Variants in PPP2R5E observed in about 807,000 individuals in gnomAD.
PPP2R5E encodes protein phosphatase 2 regulatory subunit B'epsilon.
PPP2R5E carries 4 observed loss-of-function variants against 65.3 expected under a neutral mutation model. The observed-to-expected ratio is 0.06, with a 90% CI of 0.03 to 0.14. The LOEUF is 0.14. PPP2R5E is among the 10% of genes least tolerant of loss of function. The probability of loss-of-function intolerance (pLI) is 1.00; values close to 1 mark genes in which losing one functional copy is unlikely to be tolerated. For synonymous variants in PPP2R5E, 183 were observed against 187.4 expected (o/e 0.98, Z 0.19); for missense variants, 274 against 556.1 (o/e 0.49, Z 5.10).
intron 2 of PPP2R5E, among the ~76,000 whole-genome samples, chr14:63,508,654 TG>T (rs965232549): frequency 1.1e-4 from 16 of 152,220 alleles, no homozygotes; most frequent in Non-Finnish European, 1.9e-4. Context: ...AGTCCTAGCT[TG>T]TCTTCCCCAA....
chr14:63,378,177 C>T (rs1267549661), intron 13 of PPP2R5E, among the ~76,000 whole-genome samples: 1 of 152,202 alleles, frequency 6.6e-6, no homozygotes, highest in Non-Finnish European at 1.5e-5. Flanking sequence ...ATAGATCCTG[C>T]TGACTTTCGA....
At chr14:63,541,815 T>G (rs146779204) in intron 1 of PPP2R5E, among the ~76,000 whole-genome samples, 1 of 152,220 alleles carries the variant, frequency 6.6e-6, no homozygotes, top group East Asian at 1.9e-4. Context: ...TCTTCTTTGG[T>G]TTTCTTTAAA....
Position 63,384,554 on chromosome 14 carries a change from G to T in PPP2R5E, c.1092C>A (p.Leu364=), listed in dbSNP as rs367736186. 3.7e-6 allele frequency: 6 copies of T among 1,612,354 alleles called. No individual in the cohort carries two copies. The South Asian group carries it at 6.6e-5, about 18-fold the overall frequency. Residue 364 remains leucine, a synonymous_variant, in exon 12 of 14, where the codon CTC becomes CTA. Coordinates refer to ENST00000337537, the MANE Select transcript of PPP2R5E (RefSeq NM_006246.5). Reference sequence around the variant, plus strand: ...TGATGTATTCATTATTCCAATAATAGAGTGCTCTTTCTGCCACCTTTGGGA... The same window carrying T: ...TGATGTATTCATTATTCCAATAATATAGTGCTCTTTCTGCCACCTTTGGGA... ...SPHFQVAERA[L]YYWNNEYIMS... is the part of the protein sequence containing the mutation.
chr14:63,414,134 A>C (rs1422587200), intron 5 of PPP2R5E, among the ~76,000 whole-genome samples: 2 of 152,156 alleles, frequency 1.3e-5, no homozygotes, highest in Non-Finnish European at 2.9e-5. Context: ...TGAGTGTCAA[A>C]AACAGTCAAA....
intron 2 of PPP2R5E, among the ~76,000 whole-genome samples, chr14:63,512,272 C>T (rs1315536460): frequency 6.6e-6 from 1 of 152,026 alleles, no homozygotes; most frequent in Non-Finnish European, 1.5e-5. Context: ...ACGCTCTTTC[C>T]TTATAGAAAA....
intron 3 of PPP2R5E, among the ~76,000 whole-genome samples, chr14:63,426,022 TC>T (rs1887315144): frequency 6.6e-6 from 1 of 152,210 alleles, no homozygotes; most frequent in African/African-American, 2.4e-5. Flanking sequence ...AGTTTACTTC[TC>T]AACATTCACC....
At chr14:63,428,798 G>A (rs1229914427) in intron 3 of PPP2R5E, among the ~76,000 whole-genome samples, 1 of 152,092 alleles carries the variant, frequency 6.6e-6, no homozygotes, top group East Asian at 1.9e-4. Flanking sequence ...ACTTGCAAGA[G>A]CAAAATACAA....
intron 2 of PPP2R5E, among the ~76,000 whole-genome samples, chr14:63,454,718 C>T (rs1291557470): frequency 6.6e-6 from 1 of 152,188 alleles, no homozygotes; most frequent in African/African-American, 2.4e-5. Flanking sequence ...TTCAAATATA[C>T]CGACTAAGCT....
intron 5 of PPP2R5E, among the ~76,000 whole-genome samples, chr14:63,412,132 C>T (rs1485672830): frequency 6.6e-6 from 1 of 152,158 alleles, no homozygotes; most frequent in Non-Finnish European, 1.5e-5. Flanking sequence ...ATGCCAAGTA[C>T]TACACTTAGA....
At chr14:63,491,211 C>A (rs1219552777) in intron 2 of PPP2R5E, among the ~76,000 whole-genome samples, 3 of 150,594 alleles carry the variant, frequency 2.0e-5, no homozygotes, top group Non-Finnish European at 2.9e-5. Context: ...GAACAATAAA[C>A]ACTGGGGACT....
chr14:63,427,029 T>C (rs1887379420), intron 3 of PPP2R5E, among the ~76,000 whole-genome samples: 1 of 152,234 alleles, frequency 6.6e-6, no homozygotes, highest in African/African-American at 2.4e-5. Flanking sequence ...AATAGTAAAT[T>C]TGCTTCCATT....
chr14:63,517,882 CAAT>C (rs1490916273), intron 2 of PPP2R5E, among the ~76,000 whole-genome samples: 3 of 152,144 alleles, frequency 2.0e-5, no homozygotes, highest in African/African-American at 7.2e-5. Flanking sequence ...TTGGTACTGA[CAAT>C]AATTCTAGAT....
chr14:63,530,093 C>T (rs1893349619), intron 2 of PPP2R5E, among the ~76,000 whole-genome samples: 1 of 152,082 alleles, frequency 6.6e-6, no homozygotes, highest in Non-Finnish European at 1.5e-5. Flanking sequence ...AATCAATTCT[C>T]TCCTCCAAAA....
chr14:63,422,700 C>A (rs952292111), intron 3 of PPP2R5E, among the ~76,000 whole-genome samples: 6 of 138,496 alleles, frequency 4.3e-5, no homozygotes, highest in Non-Finnish European at 9.0e-5. Context: ...GCACTCCAGC[C>A]TGGATGAAAG....
intron 4 of PPP2R5E, among the ~76,000 whole-genome samples, chr14:63,418,841 CTTTT>C (rs772740856): frequency 5.3e-3 from 553 of 105,050 alleles, no homozygotes; most frequent in South Asian, 0.012. Flanking sequence ...AATTTTTTTA[CTTTT>C]TTTTTTTTTT....
chr14:63,443,111 A>T (rs1245926855), intron 3 of PPP2R5E, among the ~76,000 whole-genome samples: 2 of 152,100 alleles, frequency 1.3e-5, no homozygotes, highest in African/African-American at 4.8e-5. Flanking sequence ...CAAAGAATGT[A>T]TAAAAAAAAA....
intron 2 of PPP2R5E, among the ~76,000 whole-genome samples, chr14:63,518,393 C>G (rs1391033053): frequency 6.6e-6 from 1 of 151,608 alleles, no homozygotes; most frequent in Admixed American, 6.6e-5. Flanking sequence ...AGGTATACAT[C>G]ACCATGCCAG....
At chr14:63,432,986 G>GTCTTAACCACAGGGCCTTATACAAAGC (rs369874762) in intron 3 of PPP2R5E, among the ~76,000 whole-genome samples, 2,025 of 149,680 alleles carry the variant, frequency 0.014, 41 homozygotes, top group African/African-American at 0.047. Context: ...AACCTAAAAA[G>GTCTTAACCACAGGGCCTTATACAAAGC]TCTTAACCAC....
chr14:63,481,733 T>C (rs1031690273), intron 2 of PPP2R5E, among the ~76,000 whole-genome samples: 4 of 152,224 alleles, frequency 2.6e-5, no homozygotes, highest in African/African-American at 9.6e-5. Context: ...TGTTTACTTC[T>C]GAATTGAATT....
Sources: allele counts gnomAD v4.1 joint callset (sites outside exome capture counted in the v4.1 genomes callset), GRCh38; gene constraint gnomAD v4.1.1; transcripts MANE v1.5; gene names NCBI Gene and HGNC (gene_info 2026-07-23, HGNC 2026-07-21).